Variants in TOM1 observed in about 807,000 individuals in gnomAD.
The protein encoded by TOM1 is target of myb1 membrane trafficking protein, also known as target of Myb protein 1.
A neutral mutation model predicts 61.3 loss-of-function variants in TOM1; 38 were observed. That is an observed-to-expected ratio of 0.62 (90% CI 0.48 to 0.81). The LOEUF is 0.81. Ranked by LOEUF, TOM1 falls within the 40% of genes least tolerant of loss-of-function variation. TOM1 has a pLI of 0.00. For missense variants in TOM1, 591 were observed against 659.6 expected (o/e 0.90, Z 1.14); for synonymous variants, 270 against 268.8 (o/e 1.00, Z -0.04).
At position 35,338,428 on chromosome 22, in the gene TOM1, T is replaced by G. The variant is rs546518066; in HGVS notation, c.1149-285T>G. Among the ~76,000 whole-genome samples the G allele has an allele frequency of 7.9e-5, 12 of 152,300 alleles. No homozygotes were observed. The South Asian group carries it at 2.3e-3, about 29-fold the overall frequency. Reference sequence around the variant, plus strand: ...TGAGCCTACGGGCACTGGAGCTATTTATCAGTCTCCTGAGTTTGGCCAATC... The same window carrying G: ...TGAGCCTACGGGCACTGGAGCTATTGATCAGTCTCCTGAGTTTGGCCAATC... On this transcript the variant is annotated intron_variant, in intron 11 of 14. Transcript: ENST00000449058.
intron 11 of TOM1, among the ~76,000 whole-genome samples, chr22:35,337,983 C>T (rs919090226): frequency 6.6e-6 from 1 of 152,220 alleles, no homozygotes; most frequent in Non-Finnish European, 1.5e-5. Flanking sequence ...CTTCTCCTCT[C>T]ACTCAGGTTA....
intron 12 of TOM1, among the ~76,000 whole-genome samples, chr22:35,342,885 CCA>C (rs369817715): frequency 2.0e-4 from 29 of 144,950 alleles, no homozygotes; most frequent in Middle Eastern, 3.8e-3. Flanking sequence ...CCTACACACA[CCA>C]CACACACATC....
In TOM1 at chr22:35,323,947, C is replaced by T; in HGVS notation, c.648+33C>T. ...AGCCTGGGGTCAGAACCGTCAGGTC[C>T]AGGCAGGTGGGCCACACACGTCAGG... On this transcript the variant is annotated intron_variant, in intron 6 of 14. Transcript: ENST00000449058. This position sits in a 1 kb window ranked among gnomAD's most constrained non-coding sequence, Gnocchi z 4.2. 1 of 1,519,750 alleles carries T rather than the reference C, an allele frequency of 6.6e-7. No homozygotes were observed. 94.1% of individuals were successfully genotyped at this position (1,519,750 alleles called of 1,614,324 possible).
chr22:35,334,230 C>G (rs1425847460), intron 10 of TOM1, 98 bp from the exon 11 acceptor site: 35 of 1,503,012 alleles, frequency 2.3e-5, no homozygotes, highest in Non-Finnish European at 2.9e-5. Context: ...GTGCCACTTC[C>G]CCAGCACCAA....
At chr22:35,322,792 A>T (rs969459152) in intron 3 of TOM1, among the ~76,000 whole-genome samples, 2 of 152,184 alleles carry the variant, frequency 1.3e-5, no homozygotes, top group Non-Finnish European at 2.9e-5. Context: ...CAGTCAGGGA[A>T]GGAAGTCCAG....
At chr22:35,330,310 C>G (rs1185130019) in intron 7 of TOM1, 37 bp from the exon 8 acceptor site, 1 of 1,580,820 alleles carries the variant, frequency 6.3e-7, no homozygotes. Flanking sequence ...CACTCTGAGT[C>G]ATGTGACTGT....
intron 10 of TOM1, 53 bp from the exon 11 acceptor site, chr22:35,334,275 C>A: frequency 6.3e-7 from 1 of 1,577,102 alleles, no homozygotes; most frequent in Admixed American, 1.9e-5. Flanking sequence ...TCAGCAGCAG[C>A]TCACACACAA....
chr22:35,318,986 T>C (rs77644346), intron 2 of TOM1, among the ~76,000 whole-genome samples: 7,086 of 152,336 alleles, frequency 0.047, 224 homozygotes, highest in East Asian at 0.09. Flanking sequence ...GCTGTGGGCA[T>C]CTGAGTCACA....
intron 6 of TOM1, among the ~76,000 whole-genome samples, chr22:35,324,644 G>T (rs902175949): frequency 6.6e-6 from 1 of 152,164 alleles, no homozygotes; most frequent in African/African-American, 2.4e-5. Flanking sequence ...TCTCTCCCAG[G>T]TTCAAGCAAT....
At chr22:35,321,268 A>G (rs1007838954) in intron 2 of TOM1, among the ~76,000 whole-genome samples, 1 of 151,992 alleles carries the variant, frequency 6.6e-6, no homozygotes, top group African/African-American at 2.4e-5. Context: ...GAGCATGAGA[A>G]GCATTCAGAT....
chr22:35,318,012 G>A (rs374642723), intron 2 of TOM1, 51 bp downstream of exon 2: 20 of 1,461,356 alleles, frequency 1.4e-5, no homozygotes, highest in East Asian at 4.5e-5. Context: ...ATCCCACCAC[G>A]CAGCACACTC....
At chr22:35,346,119 A>G (rs1358444243) in intron 13 of TOM1, among the ~76,000 whole-genome samples, 2 of 152,230 alleles carry the variant, frequency 1.3e-5, no homozygotes, top group African/African-American at 2.4e-5. Context: ...AGTAGCTCAG[A>G]AGACTCCAGC....
At chr22:35,304,770 A>G (rs138749) in intron 1 of TOM1, among the ~76,000 whole-genome samples, 77,986 of 151,912 alleles carry the variant, frequency 0.51, 22,813 homozygotes, top group Non-Finnish European at 0.65. Flanking sequence ...GAGCCACTGC[A>G]CCCGGCCTAC....
intron 1 of TOM1, among the ~76,000 whole-genome samples, chr22:35,301,697 C>T (rs572601289): frequency 6.6e-4 from 100 of 152,246 alleles, no homozygotes; most frequent in African/African-American, 2.2e-3. Flanking sequence ...GTGGCTCTTC[C>T]GAGGTTTTGT....
At chr22:35,318,052 GC>G in intron 2 of TOM1, 91 bp downstream of exon 2, 1 of 1,178,206 alleles carries the variant, frequency 8.5e-7, no homozygotes, top group Non-Finnish European at 1.3e-6. Flanking sequence ...CCCTGCCCCA[GC>G]CCCATTGCTG....
intron 7 of TOM1, among the ~76,000 whole-genome samples, chr22:35,328,397 G>A (rs1414798743): frequency 6.6e-6 from 1 of 152,206 alleles, no homozygotes; most frequent in Non-Finnish European, 1.5e-5. Context: ...CCGTGTCCCG[G>A]GCTATATGTG....
intron 8 of TOM1, among the ~76,000 whole-genome samples, chr22:35,330,759 G>A (rs759234825): frequency 5.3e-5 from 8 of 152,182 alleles, no homozygotes; most frequent in Non-Finnish European, 8.8e-5. Flanking sequence ...CTGAGAGCAC[G>A]GCCCTGCAAC....
At chr22:35,338,586 C>T (rs910839394) in intron 11 of TOM1, 127 bp from the exon 12 acceptor site, 2 of 666,938 alleles carry the variant, frequency 3.0e-6, no homozygotes, top group Non-Finnish European at 4.8e-6. Flanking sequence ...GGAAATGAGA[C>T]CCTTTTTACC....
intron 11 of TOM1, among the ~76,000 whole-genome samples, chr22:35,337,073 A>C (rs911425441): frequency 6.6e-6 from 1 of 151,026 alleles, no homozygotes; most frequent in African/African-American, 2.4e-5. Flanking sequence ...GTAGCTGGGG[A>C]CTACAGGCGC....
Sources: gnomAD v4.1 joint callset for allele counts (sites outside exome capture counted in the v4.1 genomes callset) on GRCh38, gnomAD v4.1.1 for gene constraint, Gnocchi (gnomAD v3.1) non-coding constraint, MANE v1.5 for transcripts, NCBI Gene and HGNC (gene_info 2026-07-23, HGNC 2026-07-21) for gene names.